ATPAF2: variants seen among roughly 807,000 people sequenced by gnomAD.
The protein encoded by ATPAF2 is ATP synthase mitochondrial F1 complex assembly factor 2.
In ATPAF2, 30 loss-of-function variants were observed where a neutral mutation model predicts 36.6. The observed-to-expected ratio is 0.82, with a 90% CI of 0.61 to 1.11. ATPAF2 has a LOEUF of 1.11. Among genes scored for constraint, ATPAF2 ranks in the 50% most tolerant of loss-of-function variants. The probability of loss-of-function intolerance (pLI) is 0.00; values close to 1 mark genes in which losing one functional copy is unlikely to be tolerated. For missense variants in ATPAF2, 321 were observed against 372.3 expected, an observed-to-expected ratio of 0.86 and a Z score of 1.13; for synonymous variants, 140 against 152.6, an observed-to-expected ratio of 0.92 and a Z score of 0.61.
At chr17:18,015,661 C>T (rs2044333050), downstream of ATPAF2, 2 of 180,566 alleles carry the variant, frequency 1.1e-5, no homozygotes, top group African/African-American at 2.3e-5. Context: ...CCTCGAGACC[C>T]TCAGCCAGCC....
intron 2 of ATPAF2, 118 bp from the exon 3 acceptor site, chr17:18,028,495 T>C (rs2044580218): frequency 6.5e-7 from 1 of 1,537,664 alleles, no homozygotes; most frequent in Admixed American, 1.7e-5. Flanking sequence ...CTTACAGAAA[T>C]ATATCTCACA....
Position 18,026,390 on chromosome 17 carries a change from G to T in ATPAF2, c.351C>A (p.Asp117Glu), listed in dbSNP as rs1350169346. The T allele has an allele frequency of 1.2e-6, 2 of 1,614,102 alleles. No homozygotes were observed. Among genetic ancestry groups the T allele is most frequent in the Non-Finnish European group, 1.7e-6 (2 of 1,180,040 alleles). ...GATCCTTGTTTCTCTGGGTTGGGTT[G>T]TCCAATGATGTGTTGCACAATGTGG... ...HLTTLCNTSL[D>E]NPTQRNKDQL... The change falls in exon 4 of 8, where the codon GAC becomes GAA. Residue 117 changes from aspartate to glutamate, a missense_variant. Asp to Glu is a conservative substitution (Grantham distance 45). Transcript: ENST00000474627.
At chr17:18,024,160 C>T (rs2044509736) in intron 5 of ATPAF2, among the ~76,000 whole-genome samples, 2 of 152,392 alleles carry the variant, frequency 1.3e-5, no homozygotes, top group African/African-American at 4.8e-5. Context: ...TAAGCCTTTA[C>T]ATGCATCAAT....
At chr17:18,021,324 A>G in intron 6 of ATPAF2, 86 bp from the exon 7 acceptor site, 1 of 1,005,594 alleles carries the variant, frequency 9.9e-7, no homozygotes. Flanking sequence ...CCTAGCAGAG[A>G]ACAGGAGTGA....
intron 4 of ATPAF2, chr17:18,025,985 G>A (rs1395818508): frequency 2.3e-6 from 1 of 437,350 alleles, no homozygotes; most frequent in Admixed American, 3.5e-5. Flanking sequence ...CTTTACCTGA[G>A]AAAGTGTCGG....
downstream of ATPAF2, chr17:18,015,680 C>T (rs2044334427): frequency 5.4e-6 from 1 of 185,970 alleles, no homozygotes; most frequent in Non-Finnish European, 1.1e-5. Context: ...CCTCATGCTT[C>T]CACCCAGCAG....
chr17:18,020,512 T>G (rs2044454095), intron 7 of ATPAF2, among the ~76,000 whole-genome samples: 2 of 152,230 alleles, frequency 1.3e-5, no homozygotes, highest in African/African-American at 4.8e-5. Context: ...AAACCCCAGC[T>G]GGCACATTTT....
intron 1 of ATPAF2, among the ~76,000 whole-genome samples, chr17:18,029,547 T>A (rs1238596524): frequency 6.6e-6 from 1 of 152,020 alleles, no homozygotes; most frequent in African/African-American, 2.4e-5. Flanking sequence ...TGATGCAGCA[T>A]GTGGAAGAAA....
At chr17:18,027,140 G>A (rs1395627674) in intron 3 of ATPAF2, among the ~76,000 whole-genome samples, 2 of 151,656 alleles carry the variant, frequency 1.3e-5, no homozygotes, top group African/African-American at 4.8e-5. Context: ...AGAATCGCTT[G>A]AACCCAGGAG....
At chr17:18,026,483 A>G in intron 3 of ATPAF2, 67 bp from the exon 4 acceptor site, 1 of 1,205,844 alleles carries the variant, frequency 8.3e-7, no homozygotes, top group Non-Finnish European at 1.2e-6. Context: ...TGCTTTCCTG[A>G]GGACACCACA....
downstream of ATPAF2, among the ~76,000 whole-genome samples, chr17:18,017,184 A>C (rs1359811517): frequency 6.5e-5 from 9 of 137,658 alleles, no homozygotes; most frequent in African/African-American, 2.5e-4. Flanking sequence ...AAAAAAAAAA[A>C]AAAAAAAAAA....
downstream of ATPAF2, chr17:18,016,373 G>C (rs902628945): frequency 1.2e-5 from 10 of 836,238 alleles, no homozygotes; most frequent in Admixed American, 2.7e-5. Context: ...AAAACCCATG[G>C]GCTTCATCAT....
chr17:18,022,287 TTTC>T (rs1308857976), intron 5 of ATPAF2, among the ~76,000 whole-genome samples: 1 of 152,210 alleles, frequency 6.6e-6, no homozygotes, highest in African/African-American at 2.4e-5. Flanking sequence ...TCATGGAGGT[TTTC>T]TTTTTTATTG....
At position 18,023,300 on chromosome 17, in the gene ATPAF2, C is replaced by A. The variant is rs924052216; in HGVS notation, c.503+1324G>T. Among the ~76,000 whole-genome samples the A allele has an allele frequency of 2.0e-5, 3 of 149,942 alleles. No homozygotes were observed. The East Asian group carries it at 6.0e-4, about 30-fold the overall frequency. ...ACAAAAATTAGCTGGGCGTGGTGGGCGCCTGTAATCCCAGCTACTTGAGAG... is the reference window on the plus strand; with the variant it reads ...ACAAAAATTAGCTGGGCGTGGTGGGAGCCTGTAATCCCAGCTACTTGAGAG... On this transcript the variant is annotated intron_variant, in intron 5 of 7. Coordinates refer to ENST00000474627, the MANE Select transcript of ATPAF2 (RefSeq NM_145691.4).
In ATPAF2 at chr17:18,021,793, C is replaced by T; in HGVS notation, c.568G>A (p.Glu190Lys). The T allele has an allele frequency of 6.2e-7, 1 of 1,614,176 alleles. No homozygotes were observed. Among genetic ancestry groups the T allele is most frequent in the East Asian group, 2.2e-5 (1 of 44,882 alleles). Reference sequence around the variant, plus strand: ...GATGCCAGGTGGCTGACGAGCACCTCCCGAGTTTTGGCAGGGATGCTGGGT... The same window carrying T: ...GATGCCAGGTGGCTGACGAGCACCTTCCGAGTTTTGGCAGGGATGCTGGGT... The part of the protein sequence containing the change: ...MGPSIPAKTR[E>K]VLVSHLASYN... Residue 190 changes from glutamate to lysine, a missense_variant, in exon 6 of 8, where the codon GAG (glutamate) becomes AAG (lysine). Glu to Lys is a moderately conservative substitution (Grantham distance 56). Transcript: ENST00000474627.
chr17:18,019,142 A>G (rs138532976), intron 7 of ATPAF2, among the ~76,000 whole-genome samples: 2,801 of 77,386 alleles, frequency 0.036, 73 homozygotes, highest in African/African-American at 0.11. Flanking sequence ...CCTGTCTCAA[A>G]AACACCACAC....
chr17:18,019,099 C>T (rs932876881), intron 7 of ATPAF2, among the ~76,000 whole-genome samples: 29 of 151,556 alleles, frequency 1.9e-4, no homozygotes, highest in African/African-American at 6.5e-4. Context: ...AAGATCACAC[C>T]GCTGCACTCC....
chr17:18,016,167 A>G (rs1319878117), downstream of ATPAF2: 7 of 1,613,900 alleles, frequency 4.3e-6, no homozygotes, highest in Non-Finnish European at 5.1e-6. Context: ...ACCAGAATCA[A>G]CTCTTGGTGT....
chr17:18,022,769 G>A (rs2044488040), intron 5 of ATPAF2, among the ~76,000 whole-genome samples: 1 of 151,780 alleles, frequency 6.6e-6, no homozygotes, highest in Admixed American at 6.6e-5. Flanking sequence ...AACACAATGG[G>A]GGATAAAAAT....
Sources: allele counts gnomAD v4.1 joint callset (sites outside exome capture counted in the v4.1 genomes callset), GRCh38; gene constraint gnomAD v4.1.1; transcripts MANE v1.5; gene names NCBI Gene and HGNC (gene_info 2026-07-23, HGNC 2026-07-21).